FAM90A10: variants seen among roughly 807,000 people sequenced by gnomAD.
The protein encoded by FAM90A10 is family with sequence similarity 90 member A10.
chr8:7,769,696 A>T, the FAM90A10 span: 2 of 517,680 alleles, frequency 3.9e-6, 1 homozygote, highest in Non-Finnish European at 6.4e-6. Flanking sequence ...CTTGGGGAAA[A>T]AGGAAGGGAA....
chr8:7,769,730 C>T, the FAM90A10 span: 2 of 517,432 alleles, frequency 3.9e-6, no homozygotes, highest in Non-Finnish European at 6.4e-6. Flanking sequence ...CCATGGAAGC[C>T]CCGGGGTGAA....
the FAM90A10 span, among the ~76,000 whole-genome samples, chr8:7,770,601 C>A: frequency 2.1e-4 from 8 of 38,860 alleles, no homozygotes; most frequent in African/African-American, 1.0e-4. Flanking sequence ...ACGTTCCTAG[C>A]GGCATGAGGA....
the FAM90A10 span, chr8:7,770,111 G>C: frequency 8.1e-6 from 1 of 123,570 alleles, no homozygotes. Flanking sequence ...TGGCACGTGA[G>C]GGAAGGTGCA....
chr8:7,769,432 C>G, the FAM90A10 span, among the ~76,000 whole-genome samples: 1 of 111,144 alleles, frequency 9.0e-6, no homozygotes, highest in Non-Finnish European at 1.9e-5. Context: ...TGCGAGGGAA[C>G]ATCGTATCCG....
chr8:7,769,332 C>T, the FAM90A10 span, among the ~76,000 whole-genome samples: 3 of 94,912 alleles, frequency 3.2e-5, 1 homozygote, highest in Non-Finnish European at 6.5e-5. Context: ...TGTGTAGCCA[C>T]GTTTGGCTGC....
the FAM90A10 span, chr8:7,770,488 C>A: frequency 5.4e-6 from 1 of 183,674 alleles, no homozygotes. Context: ...GTCAGGGACT[C>A]CACAATCCTT....
At chr8:7,770,913 C>T in the FAM90A10 span, 12 of 137,196 alleles carry the variant, frequency 8.7e-5, 3 homozygotes, top group Non-Finnish European at 1.1e-4. Context: ...GACCGCCTGT[C>T]GATACTGTAC....
the FAM90A10 span, chr8:7,770,476 G>A: frequency 1.7e-5 from 3 of 175,236 alleles, 1 homozygote; most frequent in African/African-American, 1.4e-4. Flanking sequence ...TGCCTTCTTG[G>A]GGTCAGGGAC....
the FAM90A10 span, chr8:7,769,719 AC>A: frequency 1.9e-6 from 1 of 515,462 alleles, no homozygotes; most frequent in Admixed American, 3.6e-5. Context: ...AAAACCTGAA[AC>A]CATGGAAGCC....
At chr8:7,769,381 C>T in the FAM90A10 span, among the ~76,000 whole-genome samples, 2 of 107,718 alleles carry the variant, frequency 1.9e-5, no homozygotes, top group African/African-American at 6.7e-5. Flanking sequence ...CCCTTGGAAC[C>T]TTGAGTCCTT....
At chr8:7,769,375 T>G in the FAM90A10 span, among the ~76,000 whole-genome samples, 3 of 106,624 alleles carry the variant, frequency 2.8e-5, no homozygotes, top group African/African-American at 1.0e-4. Context: ...TCGTGCCCCT[T>G]GGAACCTTGA....
the FAM90A10 span, chr8:7,770,980 C>T: frequency 1.5e-5 from 3 of 196,822 alleles, no homozygotes; most frequent in Non-Finnish European, 1.6e-5. Context: ...TTCACGTTGG[C>T]TCCATGCCGT....
At chr8:7,769,413 C>G in the FAM90A10 span, among the ~76,000 whole-genome samples, 14 of 111,900 alleles carry the variant, frequency 1.3e-4, 5 homozygotes, top group East Asian at 4.4e-3. Flanking sequence ...TCCTCCGTCA[C>G]AAGGGCTTTG....
At chr8:7,769,413 C>A in the FAM90A10 span, among the ~76,000 whole-genome samples, 2 of 111,882 alleles carry the variant, frequency 1.8e-5, no homozygotes, top group African/African-American at 6.5e-5. Context: ...TCCTCCGTCA[C>A]AAGGGCTTTG....
the FAM90A10 span, among the ~76,000 whole-genome samples, chr8:7,769,318 G>C: frequency 1.1e-5 from 1 of 89,320 alleles, no homozygotes; most frequent in Non-Finnish European, 2.3e-5. Context: ...TCTACTTCGA[G>C]TCCTGTGTAG....
At chr8:7,769,450 C>G in the FAM90A10 span, 5 of 396,474 alleles carry the variant, frequency 1.3e-5, 2 homozygotes, top group Non-Finnish European at 2.1e-5. Context: ...CCGAACTCTC[C>G]CAGCACTTAA....
chr8:7,770,366 T>A, the FAM90A10 span: 1 of 121,774 alleles, frequency 8.2e-6, no homozygotes. Flanking sequence ...TGAGGGTGAG[T>A]GTCACCCCGG....
At chr8:7,770,119 G>A in the FAM90A10 span, 1 of 120,702 alleles carries the variant, frequency 8.3e-6, no homozygotes, top group Non-Finnish European at 1.3e-5. Context: ...GAGGGAAGGT[G>A]CAGAGGCGGA....
the FAM90A10 span, chr8:7,771,508 C>T: frequency 6.2e-6 from 3 of 483,146 alleles, no homozygotes; most frequent in Non-Finnish European, 1.1e-5. Flanking sequence ...TGAACTTCCC[C>T]AAGAAACCGA....
Sources: gnomAD v4.1 joint callset for allele counts (sites outside exome capture counted in the v4.1 genomes callset) on GRCh38, gnomAD v4.1.1 for gene constraint, MANE v1.5 for transcripts, NCBI Gene and HGNC (gene_info 2026-07-23, HGNC 2026-07-21) for gene names.